DYNLRB1: variants seen among roughly 807,000 people sequenced by gnomAD.
DYNLRB1 encodes ROBL/LC7-like 1.
Under a neutral mutation model 13.5 loss-of-function variants are expected in DYNLRB1, and 6 were observed. The ratio of observed to expected loss-of-function variants is 0.44; its 90% confidence interval spans 0.24 to 0.88. The LOEUF is 0.88. Among genes scored for constraint, DYNLRB1 ranks in the 40% least tolerant of loss-of-function variants. The pLI is 0.21. For synonymous variants in DYNLRB1, 43 were observed against 45.0 expected, an observed-to-expected ratio of 0.96 and a Z score of 0.18; for missense variants, 93 against 127.2, an observed-to-expected ratio of 0.73 and a Z score of 1.29.
At chr20:34,524,602 G>A (rs1479096128) in intron 1 of DYNLRB1, among the ~76,000 whole-genome samples, 1 of 152,164 alleles carries the variant, frequency 6.6e-6, no homozygotes, top group Non-Finnish European at 1.5e-5. Flanking sequence ...AGCTCAGTGA[G>A]TGTGTTGACT....
At chr20:34,534,353 C>T (rs560123786) in intron 2 of DYNLRB1, among the ~76,000 whole-genome samples, 36 of 152,324 alleles carry the variant, frequency 2.4e-4, no homozygotes, top group Middle Eastern at 6.8e-3. Flanking sequence ...TGAATCCTGG[C>T]CCCACTGTGT....
At chr20:34,540,529 T>C in intron 3 of DYNLRB1, 52 bp from the exon 4 acceptor site, 1 of 1,552,102 alleles carries the variant, frequency 6.4e-7, no homozygotes, top group Admixed American at 1.7e-5. Flanking sequence ...TTCTTGTGTG[T>C]TTTTCTCTCA....
At chr20:34,530,232 C>T in intron 2 of DYNLRB1, 7 of 1,084,228 alleles carry the variant, frequency 6.5e-6, no homozygotes, top group Non-Finnish European at 7.8e-6. Context: ...CTTTTGGATA[C>T]TAGTGAGTGC....
In DYNLRB1 at chr20:34,516,549, G is replaced by A. The variant is rs1377344217; in HGVS notation, c.3+88G>A. ...CTTCCGAGGATGAGGGGATCTCAGA[G>A]CTCCGGACAGGGAATCGGTGGTGGC... On this transcript the variant is annotated intron_variant, in intron 1 of 3. Transcript: ENST00000357156. 2.5e-6 allele frequency: 4 copies of A among 1,583,590 alleles called. No individual in the cohort carries two copies. In the African/African-American group the frequency reaches 4.1e-5, roughly 16 times the overall value.
chr20:34,539,131 G>A (rs1372392652), intron 3 of DYNLRB1, among the ~76,000 whole-genome samples: 1 of 152,152 alleles, frequency 6.6e-6, no homozygotes. Flanking sequence ...AGGCACAATC[G>A]GTAACATCAG....
At chr20:34,525,192 T>A (rs1426091778) in intron 1 of DYNLRB1, among the ~76,000 whole-genome samples, 1 of 150,504 alleles carries the variant, frequency 6.6e-6, no homozygotes, top group Non-Finnish European at 1.5e-5. Context: ...CCCCCCCCCA[T>A]TTCTTTTGGT....
chr20:34,539,375 T>C (rs1981410715), intron 3 of DYNLRB1, among the ~76,000 whole-genome samples: 2 of 152,180 alleles, frequency 1.3e-5, no homozygotes, highest in African/African-American at 2.4e-5. Flanking sequence ...AAATTGAGTT[T>C]GTGACAGAAA....
intron 1 of DYNLRB1, among the ~76,000 whole-genome samples, chr20:34,519,739 A>G (rs1444439217): frequency 6.6e-6 from 1 of 152,030 alleles, no homozygotes; most frequent in African/African-American, 2.4e-5. Context: ...TTTTGCACTC[A>G]TGCTAGTGGT....
At chr20:34,517,014 GTTCT>G in intron 1 of DYNLRB1, 1 of 1,223,962 alleles carries the variant, frequency 8.2e-7, no homozygotes, top group African/African-American at 1.6e-5. Context: ...TGTCGGCGTG[GTTCT>G]TTCTAGCCGC....
intron 1 of DYNLRB1, 167 bp downstream of exon 1, chr20:34,516,628 G>A: frequency 6.7e-7 from 1 of 1,490,354 alleles, no homozygotes; most frequent in South Asian, 1.3e-5. Context: ...CCCGGCGGCG[G>A]AGGCCTCTAA....
At chr20:34,535,654 G>C in intron 3 of DYNLRB1, 1 of 985,336 alleles carries the variant, frequency 1.0e-6, no homozygotes. Context: ...ATAGTTGAGT[G>C]TGCGTGCGTC....
chr20:34,532,327 C>T (rs1980773990), intron 2 of DYNLRB1, among the ~76,000 whole-genome samples: 1 of 152,190 alleles, frequency 6.6e-6, no homozygotes, highest in African/African-American at 2.4e-5. Flanking sequence ...CAGGAGGTTT[C>T]ATCACTTGCC....
intron 2 of DYNLRB1, among the ~76,000 whole-genome samples, chr20:34,532,880 C>T (rs536759195): frequency 7.2e-5 from 11 of 152,324 alleles, no homozygotes; most frequent in East Asian, 5.8e-4. Flanking sequence ...CTCAGCCAGT[C>T]GGCCTGATAA....
intron 1 of DYNLRB1, chr20:34,516,691 G>T: frequency 1.3e-6 from 2 of 1,501,372 alleles, no homozygotes; most frequent in African/African-American, 2.8e-5. Flanking sequence ...CCGGAAGCGG[G>T]AGCCCAGCCT....
chr20:34,532,736 A>C (rs777193463), intron 2 of DYNLRB1, among the ~76,000 whole-genome samples: 1 of 152,098 alleles, frequency 6.6e-6, no homozygotes, highest in Non-Finnish European at 1.5e-5. Flanking sequence ...GATGACTGCA[A>C]CCTGTTCTCC....
intron 1 of DYNLRB1, among the ~76,000 whole-genome samples, chr20:34,519,602 T>C (rs1286225757): frequency 2.0e-5 from 3 of 152,238 alleles, no homozygotes; most frequent in African/African-American, 7.2e-5. Flanking sequence ...CACATTTTTC[T>C]GTGTTATTAT....
At chr20:34,533,787 C>T (rs1403927621) in intron 2 of DYNLRB1, among the ~76,000 whole-genome samples, 2 of 151,156 alleles carry the variant, frequency 1.3e-5, no homozygotes, top group Admixed American at 1.3e-4. Context: ...CCATTGCACT[C>T]CAGCCTGGGC....
intron 1 of DYNLRB1, among the ~76,000 whole-genome samples, chr20:34,524,732 GT>G (rs755367662): frequency 0.012 from 1,668 of 138,268 alleles, 16 homozygotes; most frequent in African/African-American, 0.024. Context: ...TTTTTTTTTT[GT>G]TTTTTTTTTT....
At chr20:34,517,584 A>G (rs896916684) in intron 1 of DYNLRB1, among the ~76,000 whole-genome samples, 1 of 150,634 alleles carries the variant, frequency 6.6e-6, no homozygotes, top group Non-Finnish European at 1.5e-5. Context: ...AAATCAGGCT[A>G]TATTTATTAT....
Sources: gnomAD v4.1 joint callset for allele counts (sites outside exome capture counted in the v4.1 genomes callset) on GRCh38, gnomAD v4.1.1 for gene constraint, MANE v1.5 for transcripts, NCBI Gene and HGNC (gene_info 2026-07-23, HGNC 2026-07-21) for gene names.